SGCD: variants seen among roughly 807,000 people sequenced by gnomAD.
SGCD encodes the protein sarcoglycan delta.
Under a neutral mutation model 36.6 loss-of-function variants are expected in SGCD, and 18 were observed. The ratio of observed to expected loss-of-function variants is 0.49; its 90% CI spans 0.34 to 0.73. The LOEUF (loss-of-function observed/expected upper bound fraction) is 0.73. Ranked by LOEUF, SGCD falls within the 30% of genes least tolerant of loss-of-function variation. The pLI is 0.01. For synonymous variants in SGCD, 133 were observed against 130.6 expected (o/e 1.02, Z -0.12); for missense variants, 387 against 346.7 (o/e 1.12, Z -0.92).
At chr5:156,127,700 G>C (rs76220847) in intron 3 of SGCD, among the ~76,000 whole-genome samples, 1 of 151,272 alleles carries the variant, frequency 6.6e-6, no homozygotes, top group Admixed American at 6.6e-5. Context: ...TTTAACAAGA[G>C]CACCACATTA....
chr5:155,749,097 A>G, the SGCD span, among the ~76,000 whole-genome samples: 1 of 152,234 alleles, frequency 6.6e-6, no homozygotes, highest in Non-Finnish European at 1.5e-5. Context: ...GTATAGAGCA[A>G]TTAATGATTC....
At chr5:156,231,287 C>T (rs1229108084) in intron 3 of SGCD, among the ~76,000 whole-genome samples, 1 of 152,194 alleles carries the variant, frequency 6.6e-6, no homozygotes, top group African/African-American at 2.4e-5. Context: ...GTAATCCCGA[C>T]ATTTTGGGAG....
At chr5:156,465,455 T>C (rs1754681240) in intron 3 of SGCD, among the ~76,000 whole-genome samples, 1 of 152,208 alleles carries the variant, frequency 6.6e-6, no homozygotes, top group South Asian at 2.1e-4. Flanking sequence ...CTGGTAAGGT[T>C]CATGAGAACA....
chr5:155,944,883 A>T (rs6894695), intron 1 of SGCD, among the ~76,000 whole-genome samples: 1 of 151,990 alleles, frequency 6.6e-6, no homozygotes, highest in South Asian at 2.1e-4. Flanking sequence ...CTTCCCAAAT[A>T]CATGCCTTTG....
At chr5:156,421,390 G>A (rs1773301837) in intron 3 of SGCD, among the ~76,000 whole-genome samples, 1 of 152,040 alleles carries the variant, frequency 6.6e-6, no homozygotes, top group South Asian at 2.1e-4. Flanking sequence ...TGTGACTTTG[G>A]ATAAATTGCC....
chr5:156,725,439 C>T (rs991756379), intron 7 of SGCD, among the ~76,000 whole-genome samples: 9 of 152,174 alleles, frequency 5.9e-5, no homozygotes, highest in Admixed American at 5.2e-4. Flanking sequence ...AGAAACAAGA[C>T]TACTTCAGCC....
intron 7 of SGCD, among the ~76,000 whole-genome samples, chr5:156,675,375 T>C (rs1753467228): frequency 6.6e-6 from 1 of 152,190 alleles, no homozygotes; most frequent in Non-Finnish European, 1.5e-5. Flanking sequence ...CTGGTCCCAG[T>C]GACCAATAAT....
chr5:155,784,297 G>C, the SGCD span, among the ~76,000 whole-genome samples: 2 of 152,160 alleles, frequency 1.3e-5, no homozygotes. Context: ...CATGTCTGAA[G>C]ACCTGGGGCT....
At chr5:156,173,576 T>C (rs921569835) in intron 3 of SGCD, among the ~76,000 whole-genome samples, 4 of 152,160 alleles carry the variant, frequency 2.6e-5, no homozygotes, top group African/African-American at 4.8e-5. Context: ...TACATAGCAT[T>C]TGCATTTGTT....
At chr5:156,701,268 C>T (rs576947058) in intron 7 of SGCD, among the ~76,000 whole-genome samples, 57 of 152,276 alleles carry the variant, frequency 3.7e-4, no homozygotes, top group South Asian at 8.3e-4. Context: ...TATGTTCTTC[C>T]AGTTGCTCAG....
intron 1 of SGCD, among the ~76,000 whole-genome samples, chr5:156,103,390 C>A (rs945503023): frequency 6.6e-6 from 1 of 152,006 alleles, no homozygotes; most frequent in Non-Finnish European, 1.5e-5. Context: ...TATGAGGTTT[C>A]CGGGTCTGAA....
Position 156,650,762 on chromosome 5 carries a change from G to A in SGCD, c.575+3226G>A, listed in dbSNP as rs551193588. On this transcript the variant is annotated intron_variant, in intron 7 of 8. Coordinates refer to ENST00000337851, the MANE Select transcript of SGCD (RefSeq NM_000337.6). ...TTGACAGATACCTAGGTTGATTTTTGTGTCTTAGTGTTGTATATTGCAATG... is the reference window on the plus strand; with the variant it reads ...TTGACAGATACCTAGGTTGATTTTTATGTCTTAGTGTTGTATATTGCAATG... Among the ~76,000 whole-genome samples, 5 of 151,910 alleles carry A rather than the reference G, an allele frequency of 3.3e-5. No homozygotes were observed. The East Asian group carries it at 9.7e-4, about 30-fold the overall frequency.
intron 3 of SGCD, among the ~76,000 whole-genome samples, chr5:156,181,616 A>G (rs952634449): frequency 6.6e-6 from 1 of 152,202 alleles, no homozygotes; most frequent in African/African-American, 2.4e-5. Context: ...AGGACTAGGT[A>G]TGGGGCAGTA....
At chr5:155,954,557 G>A (rs985592906) in intron 1 of SGCD, among the ~76,000 whole-genome samples, 1 of 147,924 alleles carries the variant, frequency 6.8e-6, no homozygotes, top group African/African-American at 2.5e-5. Context: ...GGCAGCTTAT[G>A]GGGTTCTTTT....
chr5:156,110,581 G>C (rs1244870207), intron 1 of SGCD, among the ~76,000 whole-genome samples: 1 of 151,618 alleles, frequency 6.6e-6, no homozygotes, highest in African/African-American at 2.4e-5. Flanking sequence ...TAAGCAAAAT[G>C]AATTTCAGAA....
intron 1 of SGCD, among the ~76,000 whole-genome samples, chr5:155,905,416 G>A (rs886403932): frequency 2.0e-5 from 3 of 152,080 alleles, no homozygotes; most frequent in African/African-American, 4.8e-5. Flanking sequence ...AGATAACTAA[G>A]GAGGCTTAGA....
At chr5:155,748,709 G>C in the SGCD span, among the ~76,000 whole-genome samples, 1 of 152,286 alleles carries the variant, frequency 6.6e-6, no homozygotes, top group African/African-American at 2.4e-5. Flanking sequence ...CAAAGAGACT[G>C]AAAGTCATTG....
At chr5:156,266,235 G>A (rs1357267478) in intron 3 of SGCD, among the ~76,000 whole-genome samples, 1 of 152,210 alleles carries the variant, frequency 6.6e-6, no homozygotes, top group East Asian at 1.9e-4. Context: ...TTGACTGAAT[G>A]TGGCTTACGC....
chr5:155,795,365 G>T, the SGCD span, among the ~76,000 whole-genome samples: 953 of 152,108 alleles, frequency 6.3e-3, 12 homozygotes, highest in African/African-American at 0.022. Flanking sequence ...TACATTCTTG[G>T]ATGAGTATAA....
Sources: gnomAD v4.1 joint callset for allele counts (sites outside exome capture counted in the v4.1 genomes callset) on GRCh38, gnomAD v4.1.1 for gene constraint, MANE v1.5 for transcripts, NCBI Gene and HGNC (gene_info 2026-07-23, HGNC 2026-07-21) for gene names.